Variants in SPPL3 observed in about 807,000 individuals in gnomAD.
SPPL3 encodes signal peptide peptidase like 3.
SPPL3 carries 5 observed loss-of-function variants against 42.4 expected under a neutral mutation model. The observed-to-expected ratio is 0.12, with a 90% CI of 0.06 to 0.25. The LOEUF (loss-of-function observed/expected upper bound fraction) is 0.25. Ranked by LOEUF, SPPL3 falls within the 10% of genes least tolerant of loss-of-function variation. The probability of loss-of-function intolerance (pLI) is 1.00; values close to 1 mark genes in which losing one functional copy is unlikely to be tolerated. For missense variants in SPPL3, 235 were observed against 489.0 expected (o/e 0.48, Z 4.90); for synonymous variants, 195 against 181.8 (o/e 1.07, Z -0.58).
chr12:120,868,017 G>A (rs891188097), intron 1 of SPPL3, among the ~76,000 whole-genome samples: 1 of 152,128 alleles, frequency 6.6e-6, no homozygotes, highest in African/African-American at 2.4e-5. Flanking sequence ...AAAATGCTGG[G>A]ATTACAGGCA....
chr12:120,848,227 C>T (rs1203826036), intron 1 of SPPL3, among the ~76,000 whole-genome samples: 1 of 152,148 alleles, frequency 6.6e-6, no homozygotes, highest in Non-Finnish European at 1.5e-5. Context: ...CAACTATAAG[C>T]AAAGTTGTAT....
At chr12:120,891,944 T>C (rs1457941198) in intron 1 of SPPL3, among the ~76,000 whole-genome samples, 1 of 152,212 alleles carries the variant, frequency 6.6e-6, no homozygotes, top group Non-Finnish European at 1.5e-5. Context: ...TGGCCCTTTG[T>C]AAATGTCTCC....
chr12:120,776,569 A>G (rs1310765553), intron 6 of SPPL3, among the ~76,000 whole-genome samples: 1 of 151,752 alleles, frequency 6.6e-6, no homozygotes, highest in Non-Finnish European at 1.5e-5. Context: ...ACCTTCCACC[A>G]TGCTGAACTT....
At position 120,765,297 on chromosome 12, in the gene SPPL3, T is replaced by C. The variant is rs920205541; in HGVS notation, c.1084-227A>G. 1.6e-3 allele frequency among the ~76,000 whole-genome samples: 244 copies of C among 152,060 alleles called. 1 individual carries two copies. The highest frequency in any genetic ancestry group is 5.6e-3 in the African/African-American group (234 of 41,454). ...CTTGGCCCCTTTCTGATATTTTTTT[T>C]TTTTGAGATGGGTTCTCACTCTGTC... On this transcript the variant is annotated intron_variant, in intron 10 of 10. Coordinates refer to ENST00000353487, the MANE Select transcript of SPPL3 (RefSeq NM_139015.5).
chr12:120,830,757 C>T (rs907929671), intron 1 of SPPL3, among the ~76,000 whole-genome samples: 2 of 151,926 alleles, frequency 1.3e-5, no homozygotes, highest in East Asian at 1.9e-4. Flanking sequence ...CTTCATTTCA[C>T]TTAGAAGTCC....
chr12:120,772,217 T>A (rs1044247727), intron 6 of SPPL3, among the ~76,000 whole-genome samples: 10 of 152,190 alleles, frequency 6.6e-5, no homozygotes, highest in African/African-American at 2.4e-4. Context: ...AGACAGGGTT[T>A]CACCATGTTG....
Position 120,769,013 on chromosome 12 carries a change from C to T in SPPL3, c.549G>A (p.Leu183=). Residue 183 remains leucine, a synonymous_variant, in exon 7 of 11, where the codon CTG becomes CTA. Transcript: ENST00000353487. ...GCAGGCAGGAGACCTTGAGGCTCGG[C>T]AGGCGGACAAAGGCGATCATGGCGA... ...LCVAMIAFVR[L]PSLKVSCLLL... 6.2e-7 allele frequency: 1 copy of T among 1,609,426 alleles called. No homozygotes were observed.
chr12:120,792,932 A>G (rs190458415), intron 2 of SPPL3, among the ~76,000 whole-genome samples: 2 of 152,296 alleles, frequency 1.3e-5, no homozygotes, highest in African/African-American at 4.8e-5. Context: ...GCTAAAAAAC[A>G]GAGAAAAACT....
At chr12:120,785,053 C>T (rs1460286653) in intron 3 of SPPL3, among the ~76,000 whole-genome samples, 1 of 152,094 alleles carries the variant, frequency 6.6e-6, no homozygotes, top group Non-Finnish European at 1.5e-5. Context: ...TGAGAACTGA[C>T]TTGGCTGATG....
At chr12:120,890,568 G>T (rs1466341324) in intron 1 of SPPL3, among the ~76,000 whole-genome samples, 1 of 136,090 alleles carries the variant, frequency 7.3e-6, no homozygotes, top group Non-Finnish European at 1.5e-5. Context: ...CAGCCTGGGC[G>T]ACAGAGCCAG....
chr12:120,826,102 T>G (rs1440133276), intron 1 of SPPL3, among the ~76,000 whole-genome samples: 2 of 151,904 alleles, frequency 1.3e-5, no homozygotes, highest in Non-Finnish European at 2.9e-5. Context: ...GAGACCAGCC[T>G]GACCAACATG....
intron 1 of SPPL3, among the ~76,000 whole-genome samples, chr12:120,871,527 TG>T (rs1317497054): frequency 5.3e-5 from 8 of 151,668 alleles, no homozygotes; most frequent in Admixed American, 5.3e-4. Context: ...CTGAGATGAG[TG>T]GATCATTTGA....
chr12:120,873,762 C>G (rs1374394458), intron 1 of SPPL3, among the ~76,000 whole-genome samples: 1 of 151,932 alleles, frequency 6.6e-6, no homozygotes, highest in Admixed American at 6.6e-5. Context: ...ATCCCAGCTA[C>G]TCAGGAGGCT....
chr12:120,903,767 T>C, intron 1 of SPPL3, 78 bp downstream of exon 1: 1 of 584,062 alleles, frequency 1.7e-6, no homozygotes, highest in Non-Finnish European at 2.6e-6. Flanking sequence ...TTCTTCCTCC[T>C]CTTCCCCTCG....
At position 120,894,500 on chromosome 12, in the gene SPPL3, T is replaced by C. The variant is rs138847749; in HGVS notation, c.23+9345A>G. Among the ~76,000 whole-genome samples the C allele has an allele frequency of 8.5e-5, 13 of 152,298 alleles. No homozygotes were observed. In the East Asian group the frequency reaches 2.5e-3, roughly 29 times the overall value. On this transcript the variant is annotated intron_variant, in intron 1 of 10. Transcript: ENST00000353487. ...AACAAAGTCAGGCACTGTACGTAGG[T>C]CACAATGACTGTATAACTAGCTTGA...
chr12:120,881,950 T>C (rs1873299147), intron 1 of SPPL3, among the ~76,000 whole-genome samples: 1 of 152,036 alleles, frequency 6.6e-6, no homozygotes, highest in South Asian at 2.1e-4. Flanking sequence ...GGTACAGTAG[T>C]TCCGATTAAA....
rs548739826 is a variant in SPPL3 at position 120,783,861 on chromosome 12, T to C, written c.311-109A>G. 37 of 877,358 alleles carry C rather than the reference T, an allele frequency of 4.2e-5. No individual in the cohort carries two copies. In the Admixed American group the frequency reaches 7.5e-4, roughly 18 times the overall value. The allele number at this position is 877,358 out of a possible 1,614,324, so 54.3% of individuals were successfully genotyped here. ...AGACAAGTGGATACGGTTAATTGACTAGAGAAGAAAAATGTCTTCCTTTAA... is the reference window on the plus strand; with the variant it reads ...AGACAAGTGGATACGGTTAATTGACCAGAGAAGAAAAATGTCTTCCTTTAA... On this transcript the variant is annotated intron_variant, in intron 4 of 10. Coordinates refer to ENST00000353487, the MANE Select transcript of SPPL3 (RefSeq NM_139015.5).
chr12:120,804,396 A>C (rs1278417130), intron 2 of SPPL3, among the ~76,000 whole-genome samples: 1 of 152,202 alleles, frequency 6.6e-6, no homozygotes, highest in Non-Finnish European at 1.5e-5. Flanking sequence ...TCAAAATTCA[A>C]CAAGAAAAAG....
At chr12:120,874,989 A>T (rs1423080433) in intron 1 of SPPL3, among the ~76,000 whole-genome samples, 2 of 152,176 alleles carry the variant, frequency 1.3e-5, no homozygotes, top group East Asian at 3.8e-4. Flanking sequence ...GGCCACATAA[A>T]AAGGTCATGT....
Sources: gnomAD v4.1 joint callset for allele counts (sites outside exome capture counted in the v4.1 genomes callset) on GRCh38, gnomAD v4.1.1 for gene constraint, MANE v1.5 for transcripts, NCBI Gene and HGNC (gene_info 2026-07-23, HGNC 2026-07-21) for gene names.